Variants in IL18 observed in about 807,000 individuals in gnomAD.
IL18 encodes the protein interleukin-18.
In IL18, 8 loss-of-function variants were observed where a neutral mutation model predicts 14.2. That is an observed-to-expected ratio of 0.56 (90% CI 0.33 to 1.01). IL18 has a LOEUF of 1.01. IL18 is among the 50% of genes least tolerant of loss of function. The pLI is 0.03. For missense variants in IL18, 166 were observed against 231.1 expected, an observed-to-expected ratio of 0.72 and a Z score of 1.83; for synonymous variants, 67 against 71.0, an observed-to-expected ratio of 0.94 and a Z score of 0.28.
intron 1 of IL18, among the ~76,000 whole-genome samples, chr11:112,158,521 G>GTTGTTTTTTT (rs368733048): frequency 1.9e-5 from 2 of 104,984 alleles, no homozygotes; most frequent in African/African-American, 3.6e-5. Flanking sequence ...TTTATTTGGA[G>GTTGTTTTTTT]TTTTTTTTTT....
intron 1 of IL18, among the ~76,000 whole-genome samples, chr11:112,157,081 C>T (rs1866546718): frequency 6.6e-6 from 1 of 152,046 alleles, no homozygotes; most frequent in South Asian, 2.1e-4. Flanking sequence ...CTTTATTCAC[C>T]TTTATGGCTT....
chr11:112,150,709 C>G (rs1397911228), intron 3 of IL18: 1 of 154,286 alleles, frequency 6.5e-6, no homozygotes, highest in Non-Finnish European at 1.4e-5. Flanking sequence ...CACAAGCGTT[C>G]AAATCGGTGC....
chr11:112,146,927 CTTTT>C lies in IL18; in HGVS notation c.360+1672_360+1675del, dbSNP rs36051933. Among the ~76,000 whole-genome samples, 6 of 125,358 alleles carry C rather than the reference CTTTT, an allele frequency of 4.8e-5. 1 individual carries two copies. The highest frequency in any genetic ancestry group is 8.2e-5 in the Admixed American group (1 of 12,144). The allele number at this position is 125,358 out of a possible 152,430, so 82.2% of individuals were successfully genotyped here. A position where few individuals can be genotyped will look rare whatever the true frequency, so the allele number is the denominator to read the frequency against. On this transcript the variant is annotated intron_variant, in intron 5 of 5. Transcript: ENST00000280357. Reference sequence around the variant, plus strand: ...TAAGCTTATGCCTTTGGTAATTTTACTTTTTTTTTTTTTTTTTTTTGAGACCGAG... The same window carrying C: ...TAAGCTTATGCCTTTGGTAATTTTACTTTTTTTTTTTTTTTTGAGACCGAG...
intron 5 of IL18, 77 bp from the exon 6 acceptor site, chr11:112,143,894 T>C (rs1419028262): frequency 1.1e-6 from 1 of 948,014 alleles, no homozygotes; most frequent in African/African-American, 1.7e-5. Flanking sequence ...TTGAAGTATA[T>C]TACCAAACAG....
At chr11:112,158,521 G>GTTT (rs71060226) in intron 1 of IL18, among the ~76,000 whole-genome samples, 8 of 104,984 alleles carry the variant, frequency 7.6e-5, no homozygotes, top group African/African-American at 2.2e-4. Context: ...TTTATTTGGA[G>GTTT]TTTTTTTTTT....
In IL18 at chr11:112,145,735, T is replaced by G. The variant is rs148329195; in HGVS notation, c.361-1918A>C. ...GCCTGGGCGACAGAGCGAGACTCCGTTTCAAAAAAAAAGAAAAAAAGAAAA... is the reference window on the plus strand; with the variant it reads ...GCCTGGGCGACAGAGCGAGACTCCGGTTCAAAAAAAAAGAAAAAAAGAAAA... On this transcript the variant is annotated intron_variant, in intron 5 of 5. Coordinates refer to ENST00000280357, the MANE Select transcript of IL18 (RefSeq NM_001562.4). Among the ~76,000 whole-genome samples the G allele has an allele frequency of 3.1e-3, 462 of 148,984 alleles. 17 individuals carry two copies. The East Asian group carries it at 0.074, about 24-fold the overall frequency.
chr11:112,153,500 T>C, intron 3 of IL18, 92 bp downstream of exon 3: 1 of 458,060 alleles, frequency 2.2e-6, no homozygotes, highest in Non-Finnish European at 3.5e-6. Flanking sequence ...ATGAGAACCA[T>C]TTTTTTTTTT....
intron 5 of IL18, among the ~76,000 whole-genome samples, chr11:112,145,063 T>C (rs1866312003): frequency 6.6e-6 from 1 of 152,168 alleles, no homozygotes; most frequent in South Asian, 2.1e-4. Flanking sequence ...CAGCACAGAT[T>C]CCCATGATCC....
At position 112,153,612 on chromosome 11, in the gene IL18, G is replaced by C. The variant is rs763111332; in HGVS notation, c.80-9C>G. The C allele has an allele frequency of 5.2e-6, 8 of 1,545,310 alleles. No individual in the cohort carries two copies. On this transcript the variant is annotated splice_polypyrimidine_tract_variant and intron_variant, in intron 2 of 5. Coordinates refer to ENST00000280357, the MANE Select transcript of IL18 (RefSeq NM_001562.4). ...TTTACCATCATCTTCAGCTAAGAGG[G>C]GGAAAAAGAGAGAAACAGAATATGT...
intron 5 of IL18, among the ~76,000 whole-genome samples, chr11:112,144,796 G>C (rs1258185872): frequency 2.6e-5 from 4 of 152,344 alleles, no homozygotes; most frequent in African/African-American, 9.6e-5. Flanking sequence ...TGGTCTCCTT[G>C]GCTGGGCCCT....
chr11:112,163,468 A>G (rs1382880499), intron 1 of IL18, among the ~76,000 whole-genome samples: 1 of 152,212 alleles, frequency 6.6e-6, no homozygotes. Context: ...AGTTTACCAG[A>G]GGCTACATTC....
At chr11:112,158,198 A>T (rs1259097219) in intron 1 of IL18, among the ~76,000 whole-genome samples, 3 of 152,108 alleles carry the variant, frequency 2.0e-5, no homozygotes, top group Non-Finnish European at 4.4e-5. Context: ...CATGTTGGTC[A>T]GGCTGGTCTC....
intron 1 of IL18, among the ~76,000 whole-genome samples, chr11:112,163,356 T>G (rs933837459): frequency 8.5e-5 from 13 of 152,226 alleles, no homozygotes; most frequent in African/African-American, 3.1e-4. Flanking sequence ...TTTACCACTC[T>G]AAAGCAGCAA....
rs1426767176 is a variant in IL18, at chr11:112,143,728, T to C, written c.450A>G (p.Gln150=). The part of the protein sequence containing the change: ...RSVPGHDNKM[Q]FESSSYEGYF... ...ATCCTTCGTATGATGAAGATTCAAA[T>C]TGCATCTTATTATCATGTCCTGGGA... is the stretch of plus-strand genomic sequence containing the variant. Residue 150 remains glutamine (Q), a synonymous_variant, in exon 6 of 6, where the codon CAA becomes CAG. Coordinates refer to ENST00000280357, the MANE Select transcript of IL18 (RefSeq NM_001562.4). The C allele has an allele frequency of 1.9e-6, 3 of 1,612,638 alleles. No individual in the cohort carries two copies. Among genetic ancestry groups the C allele is most frequent in the South Asian group, 1.1e-5 (1 of 91,048 alleles).
chr11:112,145,668 G>T (rs1566735460), intron 5 of IL18, among the ~76,000 whole-genome samples: 1 of 152,074 alleles, frequency 6.6e-6, no homozygotes, highest in Non-Finnish European at 1.5e-5. Flanking sequence ...GAACCCGGGA[G>T]GCAGAGCTTG....
intron 3 of IL18, chr11:112,150,999 T>G (rs1268153847): frequency 6.6e-6 from 1 of 152,220 alleles, no homozygotes; most frequent in East Asian, 1.9e-4. Flanking sequence ...GCATGTACCC[T>G]CTACTGAAGC....
chr11:112,147,664 T>G (rs1401654131), intron 5 of IL18, among the ~76,000 whole-genome samples: 1 of 152,226 alleles, frequency 6.6e-6, no homozygotes, highest in Non-Finnish European at 1.5e-5. Flanking sequence ...CTGTTGCATA[T>G]GCACTGTTCT....
intron 2 of IL18, 134 bp from the exon 3 acceptor site, chr11:112,153,737 T>C: frequency 1.9e-6 from 1 of 536,538 alleles, no homozygotes; most frequent in Non-Finnish European, 3.3e-6. Flanking sequence ...AGGGTCTGTC[T>C]TGGCTTTCAT....
intron 3 of IL18, among the ~76,000 whole-genome samples, chr11:112,152,821 ACTTT>A (rs1293433958): frequency 6.6e-6 from 1 of 152,104 alleles, no homozygotes; most frequent in African/African-American, 2.4e-5. Context: ...GCCTACTTAG[ACTTT>A]CTTTGAGAGA....
Sources: allele counts gnomAD v4.1 joint callset (sites outside exome capture counted in the v4.1 genomes callset), GRCh38; gene constraint gnomAD v4.1.1; transcripts MANE v1.5; gene names NCBI Gene and HGNC (gene_info 2026-07-23, HGNC 2026-07-21).